Variants in EXOC4 observed in about 807,000 individuals in gnomAD.
EXOC4 encodes the protein SEC8-like 1.
In EXOC4, 71 loss-of-function variants were observed where a neutral mutation model predicts 107.2. The ratio of observed to expected loss-of-function variants is 0.66; its 90% CI spans 0.55 to 0.81. EXOC4 has a LOEUF of 0.81. EXOC4 is among the 30% of genes least tolerant of loss of function. The pLI is 0.00. For missense variants in EXOC4, 1,108 were observed against 1,189.6 expected (o/e 0.93, Z 1.01); for synonymous variants, 456 against 441.2 (o/e 1.03, Z -0.42).
At chr7:133,815,657 T>C (rs1052484375) in intron 10 of EXOC4, among the ~76,000 whole-genome samples, 1 of 152,214 alleles carries the variant, frequency 6.6e-6, no homozygotes, top group Non-Finnish European at 1.5e-5. Flanking sequence ...TTTTTCTGTG[T>C]TGTGAAATAT....
At chr7:133,960,517 A>G (rs938502803) in intron 14 of EXOC4, among the ~76,000 whole-genome samples, 3 of 152,144 alleles carry the variant, frequency 2.0e-5, no homozygotes, top group African/African-American at 7.2e-5. Flanking sequence ...TACCATTTCA[A>G]TCTCACTGCT....
At chr7:133,369,429 G>A (rs1025332721) in intron 6 of EXOC4, among the ~76,000 whole-genome samples, 1 of 152,114 alleles carries the variant, frequency 6.6e-6, no homozygotes. Context: ...TTCTTGTCAA[G>A]GTCACTGGGG....
At chr7:133,493,528 G>A (rs1799416308) in intron 9 of EXOC4, among the ~76,000 whole-genome samples, 1 of 152,108 alleles carries the variant, frequency 6.6e-6, no homozygotes, top group Non-Finnish European at 1.5e-5. Flanking sequence ...TGTAGCACCT[G>A]GCATCATTCG....
At position 133,428,058 on chromosome 7, in the gene EXOC4, G is replaced by A. The variant is rs141602974; in HGVS notation, c.1183-47270G>A. On this transcript the variant is annotated intron_variant, in intron 7 of 17. Transcript: ENST00000253861. The stretch of plus-strand genomic sequence containing the variant: ...CTCAACTTATGCCTGATAGGATCAC[G>A]GTAAAAGTGCTCCAGCCTAATGGAA... Among the ~76,000 whole-genome samples, 390 of 152,274 alleles carry A rather than the reference G, an allele frequency of 2.6e-3. 1 individual carries two copies. The highest frequency in any genetic ancestry group is 9.1e-3 in the African/African-American group (378 of 41,550).
chr7:133,629,896 C>T (rs571474692), intron 9 of EXOC4, 149 bp from the exon 10 acceptor site: 3 of 592,268 alleles, frequency 5.1e-6, no homozygotes, highest in Non-Finnish European at 9.0e-6. Context: ...CAGATGAAGT[C>T]ATTCAAAATA....
chr7:133,570,490 T>TAATC (rs1460308779), intron 9 of EXOC4, among the ~76,000 whole-genome samples: 3 of 152,230 alleles, frequency 2.0e-5, no homozygotes, highest in African/African-American at 7.2e-5. Context: ...GTACCATGTG[T>TAATC]GATTCTTGGG....
chr7:133,960,448 T>A, intron 14 of EXOC4, among the ~76,000 whole-genome samples: 1 of 152,224 alleles, frequency 6.6e-6, no homozygotes, highest in East Asian at 1.9e-4. Context: ...TTTGAATGTC[T>A]GGCAGAATTC....
At chr7:133,961,618 T>A (rs1041800475) in intron 14 of EXOC4, among the ~76,000 whole-genome samples, 12 of 152,108 alleles carry the variant, frequency 7.9e-5, no homozygotes, top group African/African-American at 2.9e-4. Context: ...TCTCCAGAAT[T>A]GTAAGATAAT....
At chr7:133,748,309 A>T (rs1012514722) in intron 10 of EXOC4, among the ~76,000 whole-genome samples, 1 of 152,098 alleles carries the variant, frequency 6.6e-6, no homozygotes, top group African/African-American at 2.4e-5. Flanking sequence ...AAGACCTTAG[A>T]TCTTAGAACT....
rs1312696127 is a variant in EXOC4 at position 133,317,396 on chromosome 7, T to C, written c.763+6T>C. 8.3e-6 allele frequency: 13 copies of C among 1,562,960 alleles called. No homozygotes were observed. The highest frequency in any genetic ancestry group is 1.1e-5 in the Non-Finnish European group (12 of 1,134,036). On this transcript the variant is annotated splice_donor_region_variant and intron_variant, in intron 5 of 17. Coordinates refer to ENST00000253861, the MANE Select transcript of EXOC4 (RefSeq NM_021807.4). ...TACTGCTGGAAGCTCAAGTGGTAAG[T>C]ATTTAATTCTTCAGCCACTAAGCTT...
intron 11 of EXOC4, among the ~76,000 whole-genome samples, chr7:133,875,596 TC>T (rs1395565394): frequency 1.3e-5 from 2 of 152,170 alleles, no homozygotes; most frequent in African/African-American, 4.8e-5. Flanking sequence ...CTACTGATGA[TC>T]AGGAGGGTCC....
At chr7:133,327,924 G>T (rs1439894453) in intron 5 of EXOC4, among the ~76,000 whole-genome samples, 1 of 152,156 alleles carries the variant, frequency 6.6e-6, no homozygotes, top group African/African-American at 2.4e-5. Flanking sequence ...TTGATTTGTG[G>T]TGGAGAGTTC....
intron 7 of EXOC4, among the ~76,000 whole-genome samples, chr7:133,459,741 G>A (rs978922705): frequency 3.9e-5 from 6 of 151,954 alleles, no homozygotes; most frequent in Admixed American, 6.6e-5. Flanking sequence ...GCATTTCTTC[G>A]GTACTTTATG....
rs113056940 is a variant in EXOC4 at position 133,440,091 on chromosome 7, C to T, written c.1183-35237C>T. 3.6e-3 allele frequency among the ~76,000 whole-genome samples: 552 copies of T among 152,288 alleles called. 5 individuals are homozygous for T. Among genetic ancestry groups the T allele is most frequent in the African/African-American group, 0.012 (515 of 41,556 alleles). On this transcript the variant is annotated intron_variant, in intron 7 of 17. Coordinates refer to ENST00000253861, the MANE Select transcript of EXOC4 (RefSeq NM_021807.4). Reference sequence around the variant, plus strand: ...CTTACTGGCAACCCTCTCCCACCCCCACAGGGACACACAGTTTAACCATTT... The same window carrying T: ...CTTACTGGCAACCCTCTCCCACCCCTACAGGGACACACAGTTTAACCATTT...
chr7:133,907,803 AAGAG>A (rs1214274624), intron 12 of EXOC4, among the ~76,000 whole-genome samples: 2 of 151,972 alleles, frequency 1.3e-5, no homozygotes, highest in Non-Finnish European at 2.9e-5. Flanking sequence ...TCTGGAAAGA[AAGAG>A]AGAGAAGAAG....
At chr7:134,034,587 C>T in intron 17 of EXOC4, among the ~76,000 whole-genome samples, 1 of 152,188 alleles carries the variant, frequency 6.6e-6, no homozygotes, top group East Asian at 1.9e-4. Flanking sequence ...AGCACTTCTC[C>T]TTCCTGCAGC....
At chr7:133,739,364 TG>T (rs1446893417) in intron 10 of EXOC4, among the ~76,000 whole-genome samples, 1 of 151,976 alleles carries the variant, frequency 6.6e-6, no homozygotes, top group Non-Finnish European at 1.5e-5. Context: ...TGCTGGAGCT[TG>T]AAGTTCACAA....
chr7:133,277,664 CAT>C (rs1794027486), intron 2 of EXOC4, among the ~76,000 whole-genome samples: 1 of 152,072 alleles, frequency 6.6e-6, no homozygotes, highest in Non-Finnish European at 1.5e-5. Flanking sequence ...AAGTAAATGT[CAT>C]ATTATTCTGG....
chr7:133,475,550 C>A, intron 8 of EXOC4, 77 bp downstream of exon 8: 2 of 1,304,052 alleles, frequency 1.5e-6, no homozygotes, highest in Admixed American at 1.9e-5. Flanking sequence ...TTATTAATAG[C>A]CATAACTTTG....
Sources: gnomAD v4.1 joint callset for allele counts (sites outside exome capture counted in the v4.1 genomes callset) on GRCh38, gnomAD v4.1.1 for gene constraint, MANE v1.5 for transcripts, NCBI Gene and HGNC (gene_info 2026-07-23, HGNC 2026-07-21) for gene names.